The following THSD7B variants were observed in gnomAD, a reference collection of about 807,000 sequenced individuals.
THSD7B encodes thrombospondin type 1 domain containing 7B.
In THSD7B, 138 loss-of-function variants were observed where a neutral mutation model predicts 213.6. The observed-to-expected ratio is 0.65, with a 90% CI of 0.56 to 0.74. The LOEUF (loss-of-function observed/expected upper bound fraction) is 0.74. Among genes scored for constraint, THSD7B ranks in the 30% least tolerant of loss-of-function variants. The pLI is 0.00. For synonymous variants in THSD7B, 742 were observed against 687.0 expected (o/e 1.08, Z -1.25); for missense variants, 1,931 against 1,991.5 (o/e 0.97, Z 0.58).
intron 17 of THSD7B, among the ~76,000 whole-genome samples, chr2:137,610,433 G>A (rs1252818921): frequency 1.3e-5 from 2 of 152,130 alleles, no homozygotes; most frequent in Non-Finnish European, 2.9e-5. Flanking sequence ...ATAGTTAGTG[G>A]AATGCTTTCT....
chr2:137,132,123 T>C (rs1045862813), intron 5 of THSD7B, among the ~76,000 whole-genome samples: 1 of 150,192 alleles, frequency 6.7e-6, no homozygotes, highest in African/African-American at 2.4e-5. Flanking sequence ...TTCCTAGGTA[T>C]TTTATTCTCT....
chr2:136,851,288 C>T (rs1573668932), intron 1 of THSD7B, among the ~76,000 whole-genome samples: 1 of 152,070 alleles, frequency 6.6e-6, no homozygotes, highest in East Asian at 1.9e-4. Context: ...TTCTTGTCCA[C>T]CATTTCTTTA....
chr2:137,325,570 A>G (rs1684351269), intron 12 of THSD7B, among the ~76,000 whole-genome samples: 1 of 152,168 alleles, frequency 6.6e-6, no homozygotes, highest in Non-Finnish European at 1.5e-5. Context: ...GCTAAATGAG[A>G]TAACTCACAG....
Position 137,601,291 on chromosome 2 carries a change from C to T in THSD7B, c.3424-14884C>T, listed in dbSNP as rs990946285. 2.5e-4 allele frequency among the ~76,000 whole-genome samples: 38 copies of T among 152,174 alleles called. 1 individual carries two copies. ...TTCACTCACTGCTCACTCACTGGCT[C>T]ACCTGGCACAACTTCCAGTCCTGCA... On this transcript the variant is annotated intron_variant, in intron 17 of 27. Coordinates refer to ENST00000409968, the MANE Select transcript of THSD7B (RefSeq NM_001316349.2).
chr2:137,135,354 T>C (rs1336492712), intron 5 of THSD7B, among the ~76,000 whole-genome samples: 1 of 152,204 alleles, frequency 6.6e-6, no homozygotes, highest in Non-Finnish European at 1.5e-5. Context: ...CACTAATATT[T>C]GGTCGTGGTG....
At chr2:137,406,240 A>G (rs187567953) in intron 13 of THSD7B, among the ~76,000 whole-genome samples, 15 of 152,332 alleles carry the variant, frequency 9.8e-5, no homozygotes, top group Non-Finnish European at 1.9e-4. Flanking sequence ...GCAATTTGAC[A>G]TTTTAAAATT....
intron 17 of THSD7B, among the ~76,000 whole-genome samples, chr2:137,575,713 T>G (rs572275532): frequency 6.9e-6 from 1 of 145,432 alleles, no homozygotes; most frequent in Non-Finnish European, 1.5e-5. Context: ...TTTTTCTTAT[T>G]CCCATAACAC....
intron 15 of THSD7B, among the ~76,000 whole-genome samples, chr2:137,492,400 C>T (rs1224345860): frequency 1.3e-5 from 2 of 152,152 alleles, no homozygotes; most frequent in African/African-American, 4.8e-5. Context: ...ATCTCCACAC[C>T]TCTACTTTTG....
chr2:136,786,504 T>C (rs901159834), intron 1 of THSD7B, among the ~76,000 whole-genome samples: 1 of 152,172 alleles, frequency 6.6e-6, no homozygotes, highest in Admixed American at 6.5e-5. Flanking sequence ...ATATATCACC[T>C]CCTGGATTCG....
rs563683443 is a variant in THSD7B at position 137,677,580 on chromosome 2, A to C, written c.*975A>C. ...GTCTTGCTTTTATAAGGTTTCAATAATATCTAAAACAACACATTAAAAAGC... is the reference window on the plus strand; with the variant it reads ...GTCTTGCTTTTATAAGGTTTCAATACTATCTAAAACAACACATTAAAAAGC... On this transcript the variant is annotated 3_prime_UTR_variant, in exon 28 of 28. Coordinates refer to ENST00000409968, the MANE Select transcript of THSD7B (RefSeq NM_001316349.2). 6.5e-6 allele frequency: 1 copy of C among 152,792 alleles called. No individual in the cohort carries two copies. Among genetic ancestry groups the C allele is most frequent in the South Asian group, 2.1e-4 (1 of 4,834 alleles). The allele number at this position is 152,792 out of a possible 1,614,324, so 9.5% of individuals were successfully genotyped here. A position where few individuals can be genotyped will look rare whatever the true frequency, so the allele number is the denominator to read the frequency against.
intron 15 of THSD7B, among the ~76,000 whole-genome samples, chr2:137,460,367 GT>G (rs1438356383): frequency 6.6e-6 from 1 of 152,130 alleles, no homozygotes; most frequent in Non-Finnish European, 1.5e-5. Flanking sequence ...CTTGATAGAT[GT>G]TAAGTATGAA....
At chr2:137,141,132 T>A (rs1244469144) in intron 5 of THSD7B, among the ~76,000 whole-genome samples, 1 of 151,106 alleles carries the variant, frequency 6.6e-6, no homozygotes, top group African/African-American at 2.4e-5. Context: ...AGGAGGGGAG[T>A]CTGAGAGCTG....
In THSD7B at chr2:136,833,363, CAAAAAAA is replaced by C. The variant is rs10639590; in HGVS notation, c.-35-48764_-35-48758del. 2.2e-3 allele frequency among the ~76,000 whole-genome samples: 124 copies of C among 55,472 alleles called. 1 individual carries two copies. Among genetic ancestry groups the C allele is most frequent in the African/African-American group, 8.6e-3 (124 of 14,348 alleles). The allele number at this position is 55,472 out of a possible 152,430, so 36.4% of individuals were successfully genotyped here. On this transcript the variant is annotated intron_variant, in intron 1 of 27. Coordinates refer to ENST00000409968, the MANE Select transcript of THSD7B (RefSeq NM_001316349.2). ...TCGGCGAAAGAGCGAGACTCCGTCTCAAAAAAAAAAAAAAAAAAAAAAAGAGAGAGAG... is the reference window on the plus strand; with the variant it reads ...TCGGCGAAAGAGCGAGACTCCGTCTCAAAAAAAAAAAAAAAAGAGAGAGAG...
At chr2:137,305,734 T>C (rs751095523) in intron 12 of THSD7B, among the ~76,000 whole-genome samples, 2 of 152,110 alleles carry the variant, frequency 1.3e-5, no homozygotes, top group Non-Finnish European at 2.9e-5. Context: ...AATACAGTCA[T>C]GTGTCACTTA....
chr2:137,429,882 C>A (rs1302977883), intron 14 of THSD7B, among the ~76,000 whole-genome samples: 4 of 151,958 alleles, frequency 2.6e-5, no homozygotes, highest in Non-Finnish European at 4.4e-5. Context: ...AAAGTTTCAC[C>A]TTGTTTTTTA....
intron 2 of THSD7B, among the ~76,000 whole-genome samples, chr2:137,005,091 C>T (rs1475021960): frequency 1.3e-5 from 2 of 152,112 alleles, no homozygotes; most frequent in African/African-American, 4.8e-5. Context: ...TGTATATGCA[C>T]TATGTAGCAG....
intron 4 of THSD7B, among the ~76,000 whole-genome samples, chr2:137,105,654 C>T (rs957204371): frequency 1.3e-5 from 2 of 152,136 alleles, no homozygotes; most frequent in Non-Finnish European, 2.9e-5. Context: ...ATTTAGAAAA[C>T]CCCATTGTCT....
chr2:136,776,022 AC>A (rs1558801081), intron 1 of THSD7B, among the ~76,000 whole-genome samples: 2 of 152,158 alleles, frequency 1.3e-5, no homozygotes, highest in South Asian at 4.1e-4. Flanking sequence ...AAATATATGT[AC>A]TATGGTTGGC....
rs1231949438 is a variant in THSD7B, at chr2:137,439,502, T to C, written c.2960-11343T>C. 4.2e-5 allele frequency among the ~76,000 whole-genome samples: 6 copies of C among 142,344 alleles called. No individual in the cohort carries two copies. In the East Asian group the frequency reaches 1.1e-3, roughly 26 times the overall value. 93.4% of individuals were successfully genotyped at this position (142,344 alleles called of 152,430 possible). On this transcript the variant is annotated intron_variant, in intron 14 of 27. Transcript: ENST00000409968. ...TATATCATTAAATAAATAAGTTATC[T>C]GTCAATTGCAGACAACAGAAGTCTA...
Sources: allele counts gnomAD v4.1 joint callset (sites outside exome capture counted in the v4.1 genomes callset), GRCh38; gene constraint gnomAD v4.1.1; transcripts MANE v1.5; gene names NCBI Gene and HGNC (gene_info 2026-07-23, HGNC 2026-07-21).